The following RPH3A variants were observed in gnomAD, a reference collection of about 807,000 sequenced individuals.
RPH3A encodes the protein rabphilin-3A.
Under a neutral mutation model 102.2 loss-of-function variants are expected in RPH3A, and 48 were observed. The observed-to-expected ratio is 0.47, with a 90% CI of 0.37 to 0.60. The LOEUF (loss-of-function observed/expected upper bound fraction) is 0.60, where lower values mean the gene tolerates loss of function less well. RPH3A is among the 20% of genes least tolerant of loss of function. The pLI is 0.00. For missense variants in RPH3A, 781 were observed against 910.1 expected (o/e 0.86, Z 1.83); for synonymous variants, 310 against 324.3 (o/e 0.96, Z 0.47).
intron 2 of RPH3A, among the ~76,000 whole-genome samples, chr12:112,824,623 T>G (rs1217386517): frequency 6.6e-6 from 1 of 152,140 alleles, no homozygotes; most frequent in Non-Finnish European, 1.5e-5. Flanking sequence ...CCTGGTAGAC[T>G]GGGGTAAGCA....
At chr12:112,779,600 GAGA>G (rs2040993018) in intron 1 of RPH3A, among the ~76,000 whole-genome samples, 1 of 152,146 alleles carries the variant, frequency 6.6e-6, no homozygotes, top group Non-Finnish European at 1.5e-5. Context: ...TGTACAGATG[GAGA>G]AGGTGAGGTA....
At chr12:112,795,863 A>G (rs1162370097) in intron 2 of RPH3A, among the ~76,000 whole-genome samples, 1 of 152,222 alleles carries the variant, frequency 6.6e-6, no homozygotes, top group Admixed American at 6.5e-5. Context: ...AGGAGTAAAT[A>G]TCCAACAAAT....
At chr12:112,621,252 A>G (rs1475393716) in intron 1 of RPH3A, among the ~76,000 whole-genome samples, 1 of 151,846 alleles carries the variant, frequency 6.6e-6, no homozygotes, top group African/African-American at 2.4e-5. Flanking sequence ...TCCCAGCGTG[A>G]GCGACGCAGA....
At chr12:112,673,197 G>T (rs988789364) in intron 1 of RPH3A, among the ~76,000 whole-genome samples, 1 of 152,078 alleles carries the variant, frequency 6.6e-6, no homozygotes, top group African/African-American at 2.4e-5. Context: ...TAAAATTAAA[G>T]AATTATTATC....
chr12:112,851,852 G>A (rs1442246646), intron 5 of RPH3A, among the ~76,000 whole-genome samples: 2 of 152,122 alleles, frequency 1.3e-5, no homozygotes, highest in South Asian at 4.2e-4. Context: ...TTGCATGCCC[G>A]ACTGCTACAG....
chr12:112,774,063 C>CAAAA (rs11375355), intron 1 of RPH3A, among the ~76,000 whole-genome samples: 13 of 108,410 alleles, frequency 1.2e-4, no homozygotes, highest in African/African-American at 4.3e-4. Flanking sequence ...CCAGCCTGGG[C>CAAAA]AAAAAAAAAA....
At chr12:112,754,674 C>G (rs2040809844) in intron 1 of RPH3A, among the ~76,000 whole-genome samples, 1 of 152,182 alleles carries the variant, frequency 6.6e-6, no homozygotes, top group Non-Finnish European at 1.5e-5. Context: ...AGGGAAGAAT[C>G]TAATTACCCA....
upstream of RPH3A, among the ~76,000 whole-genome samples, chr12:112,790,221 T>A (rs572529309): frequency 4.4e-4 from 67 of 152,194 alleles, no homozygotes; most frequent in African/African-American, 1.5e-3. Context: ...CATGCCCAGC[T>A]ATTTTTTTGT....
intron 4 of RPH3A, among the ~76,000 whole-genome samples, chr12:112,846,341 T>C (rs1198235361): frequency 6.6e-6 from 1 of 152,206 alleles, no homozygotes; most frequent in Non-Finnish European, 1.5e-5. Context: ...CCCAGAGGCA[T>C]CCCATCCAAG....
chr12:112,697,208 G>A (rs1367153097), intron 1 of RPH3A, among the ~76,000 whole-genome samples: 1 of 152,134 alleles, frequency 6.6e-6, no homozygotes, highest in African/African-American at 2.4e-5. Flanking sequence ...ACATGATCAT[G>A]TATGTAGAAA....
chr12:112,853,317 G>C (rs2042354475), intron 5 of RPH3A, among the ~76,000 whole-genome samples: 1 of 152,224 alleles, frequency 6.6e-6, no homozygotes, highest in South Asian at 2.1e-4. Context: ...ATGGATGGGA[G>C]TCAGGGACTT....
At chr12:112,839,189 G>A (rs2042103201) in intron 4 of RPH3A, among the ~76,000 whole-genome samples, 1 of 152,106 alleles carries the variant, frequency 6.6e-6, no homozygotes, top group Non-Finnish European at 1.5e-5. Context: ...AGTGGAGCTG[G>A]ATAAAGACCT....
At chr12:112,594,149 ATC>A (rs1040554822) in intron 1 of RPH3A, among the ~76,000 whole-genome samples, 1 of 152,102 alleles carries the variant, frequency 6.6e-6, no homozygotes, top group Non-Finnish European at 1.5e-5. Context: ...CAATAGTTTT[ATC>A]TCTCTGACTT....
In RPH3A at chr12:112,749,885, GT is replaced by G. The variant is rs574604706; in HGVS notation, c.-139-42253del. Among the ~76,000 whole-genome samples, 503 of 152,102 alleles carry G rather than the reference GT, an allele frequency of 3.3e-3. 2 individuals carry two copies. Among genetic ancestry groups the G allele is most frequent in the African/African-American group, 0.011 (475 of 41,464 alleles). On this transcript the variant is annotated intron_variant, in intron 1 of 21. Transcript: ENST00000543106. ...GGCTGAATTAGAGTTCTCTCTTTTT[GT>G]TTTTGTTTTTTTTGTTTTTGAAGGA...
At chr12:112,805,729 T>C (rs1052239984) in intron 2 of RPH3A, among the ~76,000 whole-genome samples, 2 of 152,206 alleles carry the variant, frequency 1.3e-5, no homozygotes, top group African/African-American at 4.8e-5. Flanking sequence ...CACATGTTCA[T>C]TTTTTTAAAA....
At chr12:112,618,943 A>G (rs1335073181) in intron 1 of RPH3A, among the ~76,000 whole-genome samples, 1 of 152,260 alleles carries the variant, frequency 6.6e-6, no homozygotes, top group Non-Finnish European at 1.5e-5. Context: ...ATATAAATGG[A>G]ATAATATAAT....
chr12:112,840,919 T>G (rs1029487), intron 4 of RPH3A, among the ~76,000 whole-genome samples: 73,866 of 151,524 alleles, frequency 0.49, 18,779 homozygotes, highest in African/African-American at 0.61. Context: ...CATCATCTGG[T>G]GGAAATGTGC....
chr12:112,607,545 C>T (rs1220936851), intron 1 of RPH3A, among the ~76,000 whole-genome samples: 4 of 152,184 alleles, frequency 2.6e-5, no homozygotes, highest in African/African-American at 7.2e-5. Flanking sequence ...AATTGGAAGA[C>T]ACACTAAATG....
intron 1 of RPH3A, among the ~76,000 whole-genome samples, chr12:112,582,614 C>CT (rs1263270263): frequency 0.065 from 7,499 of 116,232 alleles, 532 homozygotes; most frequent in African/African-American, 0.087. Context: ...GTCCAGCTAG[C>CT]TTTTTTTTTT....
Sources: gnomAD v4.1 joint callset for allele counts (sites outside exome capture counted in the v4.1 genomes callset) on GRCh38, gnomAD v4.1.1 for gene constraint, MANE v1.5 for transcripts, NCBI Gene and HGNC (gene_info 2026-07-23, HGNC 2026-07-21) for gene names.